Variants in SOX5 observed in about 807,000 individuals in gnomAD.
The protein encoded by SOX5 is SRY-box transcription factor 5.
In SOX5, 9 loss-of-function variants were observed where a neutral mutation model predicts 92.0. The observed-to-expected ratio is 0.10, with a 90% CI of 0.06 to 0.17. The LOEUF (loss-of-function observed/expected upper bound fraction) is 0.17. Ranked by LOEUF, SOX5 falls within the 10% of genes least tolerant of loss-of-function variation. SOX5 has a pLI of 1.00. For synonymous variants in SOX5, 344 were observed against 336.3 expected (o/e 1.02, Z -0.25); for missense variants, 642 against 944.5 (o/e 0.68, Z 4.20).
At chr12:24,074,746 T>C (rs1942309577) in intron 4 of SOX5, among the ~76,000 whole-genome samples, 1 of 151,930 alleles carries the variant, frequency 6.6e-6, no homozygotes, top group African/African-American at 2.4e-5. Flanking sequence ...CACTCTTGAA[T>C]TCACTTTCGC....
chr12:23,689,063 T>C (rs1309710897), intron 6 of SOX5, among the ~76,000 whole-genome samples: 1 of 152,184 alleles, frequency 6.6e-6, no homozygotes, highest in Non-Finnish European at 1.5e-5. Context: ...ACCTTCCAGG[T>C]ATACTGAAAT....
At chr12:24,125,822 T>C (rs931485065) in intron 4 of SOX5, among the ~76,000 whole-genome samples, 2 of 152,160 alleles carry the variant, frequency 1.3e-5, no homozygotes, top group African/African-American at 4.8e-5. Flanking sequence ...GGGATATTTT[T>C]CTCAATTTTT....
At chr12:24,236,723 G>C (rs1456599001) in intron 3 of SOX5, among the ~76,000 whole-genome samples, 1 of 152,198 alleles carries the variant, frequency 6.6e-6, no homozygotes, top group Middle Eastern at 3.2e-3. Context: ...ATTCTTTGTT[G>C]AAGTGAATTC....
chr12:23,985,703 T>C (rs1268166822), intron 4 of SOX5, among the ~76,000 whole-genome samples: 1 of 152,010 alleles, frequency 6.6e-6, no homozygotes, highest in Non-Finnish European at 1.5e-5. Flanking sequence ...GGAAACTGTA[T>C]GAGTTTGCTA....
intron 4 of SOX5, among the ~76,000 whole-genome samples, chr12:24,075,277 TAAAAAAAAAAA>T (rs59967372): frequency 6.6e-5 from 5 of 75,790 alleles, no homozygotes; most frequent in Admixed American, 1.7e-4. Context: ...CTCAAATTAT[TAAAAAAAAAAA>T]AAAAAAAAAA....
chr12:23,650,880 G>T (rs2081473666), intron 7 of SOX5, among the ~76,000 whole-genome samples: 1 of 152,040 alleles, frequency 6.6e-6, no homozygotes, highest in African/African-American at 2.4e-5. Flanking sequence ...CAGTTTTGTG[G>T]CAAGGCATAG....
At chr12:24,521,481 C>T (rs1950258800) in intron 1 of SOX5, among the ~76,000 whole-genome samples, 1 of 152,214 alleles carries the variant, frequency 6.6e-6, no homozygotes, top group Non-Finnish European at 1.5e-5. Context: ...ATAGACGGAA[C>T]TTTCTACCCA....
chr12:23,676,643 G>A (rs1229848987), intron 6 of SOX5, among the ~76,000 whole-genome samples: 12 of 152,190 alleles, frequency 7.9e-5, no homozygotes, highest in African/African-American at 2.7e-4. Context: ...TGGAATCCAC[G>A]ACACAGTGAC....
In SOX5 at chr12:24,213,419, T is replaced by TAAAAAAAAAAAAAAAAAAAAAAAAA. The variant is rs67296842; in HGVS notation, c.-76-3_-76-2insTTTTTTTTTTTTTTTTTTTTTTTTT. The TAAAAAAAAAAAAAAAAAAAAAAAAA allele has an allele frequency of 2.1e-5, 2 of 96,864 alleles. 1 individual carries two copies. The highest frequency in any genetic ancestry group is 4.1e-5 in the Non-Finnish European group (2 of 48,662). 6.0% of individuals were successfully genotyped at this position (96,864 alleles called of 1,614,324 possible). A position where few individuals can be genotyped will look rare whatever the true frequency, so the allele number is the denominator to read the frequency against. ...TGATATTATCTATTTCTTGAAATGCTAAAAAAAAAAAAAAAAAAAAGAAAA... is the reference window on the plus strand; with the variant it reads ...TGATATTATCTATTTCTTGAAATGCTAAAAAAAAAAAAAAAAAAAAAAAAAAAAAAAAAAAAAAAAAAAAAGAAAA... On this transcript the variant is annotated splice_polypyrimidine_tract_variant and splice_region_variant and intron_variant, in intron 3 of 4. Coordinates refer to the SOX5 transcript ENST00000446891.
At chr12:23,583,523 T>G (rs572516531) in intron 9 of SOX5, among the ~76,000 whole-genome samples, 23 of 152,256 alleles carry the variant, frequency 1.5e-4, no homozygotes, top group Admixed American at 1.2e-3. Context: ...CAACTTTGTT[T>G]AACCTCTGGT....
At chr12:23,780,159 A>G (rs547695850) in intron 3 of SOX5, among the ~76,000 whole-genome samples, 2 of 152,084 alleles carry the variant, frequency 1.3e-5, no homozygotes, top group South Asian at 4.1e-4. Flanking sequence ...CATTTTATGT[A>G]CTAGAGGTAA....
Position 24,137,864 on chromosome 12 carries a change from T to C in SOX5, c.-2+75479A>G, listed in dbSNP as rs16915586. Among the ~76,000 whole-genome samples, 642 of 152,344 alleles carry C rather than the reference T, an allele frequency of 4.2e-3. 4 individuals carry two copies. The highest frequency in any genetic ancestry group is 0.015 in the African/African-American group (621 of 41,592). On this transcript the variant is annotated intron_variant, in intron 4 of 4. Transcript: ENST00000446891. ...CAATTGGCCGTAGCCAGGATCGTGA[T>C]GCTGTTTGTGCCTTTTAACTAGATA...
chr12:24,544,304 T>A (rs1020008890), intron 1 of SOX5, among the ~76,000 whole-genome samples: 3 of 152,176 alleles, frequency 2.0e-5, no homozygotes, highest in African/African-American at 7.2e-5. Flanking sequence ...GGGTAAGAAC[T>A]TATTATACAT....
intron 2 of SOX5, among the ~76,000 whole-genome samples, chr12:24,289,961 T>A (rs976825239): frequency 6.6e-6 from 1 of 152,186 alleles, no homozygotes; most frequent in African/African-American, 2.4e-5. Context: ...AGACTCTCTT[T>A]CAATCACCAT....
intron 1 of SOX5, among the ~76,000 whole-genome samples, chr12:23,933,366 G>T (rs1467368030): frequency 1.3e-5 from 2 of 151,604 alleles, no homozygotes; most frequent in Non-Finnish European, 3.0e-5. Context: ...TCCACTGGGG[G>T]TTGTGGAGCA....
chr12:23,903,402 G>A (rs1230434559), intron 1 of SOX5, among the ~76,000 whole-genome samples: 1 of 152,064 alleles, frequency 6.6e-6, no homozygotes, highest in African/African-American at 2.4e-5. Flanking sequence ...CTGCAAAACT[G>A]GGAGACTCCA....
Position 23,665,462 on chromosome 12 carries a change from T to C in SOX5, c.913A>G (p.Ser305Gly), listed in dbSNP as rs2083643368. ...QQGFLLPPGF[S>G]YKAGCSDPYP... is the part of the protein sequence containing the mutation. Reference sequence around the variant, plus strand: ...TACTTACTACATCCAGCCTTATAGCTGAAGCCTGGAGGGAGGAGGAATCCT... The same window carrying C: ...TACTTACTACATCCAGCCTTATAGCCGAAGCCTGGAGGGAGGAGGAATCCT... Residue 305 changes from serine (S) to glycine (G), a missense_variant, in exon 7 of 15, where the codon AGC becomes GGC. By Grantham distance (56) the Ser-to-Gly change is moderately conservative. Around this residue, in one of 8 missense-constraint regions of SOX5, gnomAD observed 324 missense variants for 461.6 expected, o/e 0.70. Transcript: ENST00000451604. 4 of 1,613,448 alleles carry C rather than the reference T, an allele frequency of 2.5e-6. No individual in the cohort carries two copies. Among genetic ancestry groups the C allele is most frequent in the Non-Finnish European group, 3.4e-6 (4 of 1,179,594 alleles).
At chr12:23,727,711 T>C (rs1444396837) in intron 6 of SOX5, among the ~76,000 whole-genome samples, 1 of 152,128 alleles carries the variant, frequency 6.6e-6, no homozygotes, top group Non-Finnish European at 1.5e-5. Flanking sequence ...AGGATCATGG[T>C]ATTTAAAGTT....
intron 7 of SOX5, among the ~76,000 whole-genome samples, chr12:23,652,184 A>C (rs186549633): frequency 1.8e-4 from 27 of 152,186 alleles, no homozygotes; most frequent in Admixed American, 8.5e-4. Context: ...AATTTTAATG[A>C]ACATATATCT....
Sources: allele counts gnomAD v4.1 joint callset (sites outside exome capture counted in the v4.1 genomes callset), GRCh38; gene constraint gnomAD v4.1.1; regional missense constraint gnomAD v4.1.1; transcripts MANE v1.5; gene names NCBI Gene and HGNC (gene_info 2026-07-23, HGNC 2026-07-21).